Variants in SUMF1 observed in about 807,000 individuals in gnomAD.
SUMF1 encodes the protein formylglycine-generating enzyme.
In SUMF1, 48 loss-of-function variants were observed where a neutral mutation model predicts 47.6. That is an observed-to-expected ratio of 1.01 (90% CI 0.80 to 1.28). The LOEUF is 1.28. Ranked by LOEUF, SUMF1 falls within the 50% of genes most tolerant of loss-of-function variation. SUMF1 has a pLI of 0.00. For synonymous variants in SUMF1, 230 were observed against 192.1 expected (o/e 1.20, Z -1.63); for missense variants, 571 against 485.4 (o/e 1.18, Z -1.66).
intron 8 of SUMF1, among the ~76,000 whole-genome samples, chr3:4,305,095 G>C (rs1171317483): frequency 2.0e-5 from 3 of 152,014 alleles, no homozygotes; most frequent in Admixed American, 1.3e-4. Flanking sequence ...TAAGATAAAG[G>C]GTTTTTTTTT....
intron 8 of SUMF1, among the ~76,000 whole-genome samples, chr3:4,147,157 A>G (rs1310511775): frequency 6.6e-6 from 1 of 152,160 alleles, no homozygotes; most frequent in East Asian, 1.9e-4. Flanking sequence ...TTAAAAAGTC[A>G]GGAAACAACA....
At chr3:4,339,183 C>G (rs1282956545) in intron 8 of SUMF1, among the ~76,000 whole-genome samples, 1 of 152,184 alleles carries the variant, frequency 6.6e-6, no homozygotes, top group Admixed American at 6.5e-5. Flanking sequence ...ATGCTGCTTT[C>G]CTCTCTTGGG....
intron 8 of SUMF1, among the ~76,000 whole-genome samples, chr3:4,118,779 T>G (rs1227528036): frequency 6.6e-6 from 1 of 152,132 alleles, no homozygotes; most frequent in African/African-American, 2.4e-5. Context: ...CACTCTTCTT[T>G]AGTTCTCTTT....
intron 8 of SUMF1, among the ~76,000 whole-genome samples, chr3:4,346,309 T>C (rs1444207559): frequency 6.6e-6 from 1 of 152,014 alleles, no homozygotes; most frequent in African/African-American, 2.4e-5. Context: ...GCAAAAGAAC[T>C]GAAATCATAA....
chr3:4,319,054 T>TAA (rs1460667168), intron 8 of SUMF1, among the ~76,000 whole-genome samples: 1 of 152,218 alleles, frequency 6.6e-6, no homozygotes, highest in Non-Finnish European at 1.5e-5. Context: ...TTTAAAACTA[T>TAA]AAGTTATCCC....
At chr3:4,173,869 G>C (rs946811282) in intron 8 of SUMF1, among the ~76,000 whole-genome samples, 1 of 152,110 alleles carries the variant, frequency 6.6e-6, no homozygotes, top group Admixed American at 6.5e-5. Context: ...TCACACACGA[G>C]GGCCTGTCGG....
chr3:4,099,145 C>T (rs932748501), intron 8 of SUMF1, among the ~76,000 whole-genome samples: 4 of 152,042 alleles, frequency 2.6e-5, no homozygotes, highest in African/African-American at 7.3e-5. Context: ...TCTGCTGTGC[C>T]TCCAAATCAG....
chr3:4,268,861 A>C (rs926863047), intron 8 of SUMF1, among the ~76,000 whole-genome samples: 2 of 152,120 alleles, frequency 1.3e-5, no homozygotes, highest in African/African-American at 4.8e-5. Context: ...CCTTTAAAAA[A>C]GACATTTAGA....
intron 5 of SUMF1, among the ~76,000 whole-genome samples, chr3:4,417,779 C>G (rs933172929): frequency 6.6e-6 from 1 of 152,312 alleles, no homozygotes; most frequent in South Asian, 2.1e-4. Context: ...ATTGCTAAGA[C>G]TTGCTTTGGG....
intron 8 of SUMF1, among the ~76,000 whole-genome samples, chr3:4,344,228 G>A (rs757310950): frequency 7.2e-5 from 11 of 151,982 alleles, no homozygotes; most frequent in Non-Finnish European, 1.3e-4. Flanking sequence ...AGGAAGAGCA[G>A]TGTGGTGTGG....
chr3:4,155,833 C>G (rs1447543239), intron 8 of SUMF1, among the ~76,000 whole-genome samples: 1 of 150,986 alleles, frequency 6.6e-6, no homozygotes, highest in Admixed American at 6.6e-5. Flanking sequence ...TCAAATTAAA[C>G]CCAGGACCAA....
intron 8 of SUMF1, among the ~76,000 whole-genome samples, chr3:4,327,431 T>C (rs935530496): frequency 9.9e-5 from 15 of 152,194 alleles, no homozygotes; most frequent in Non-Finnish European, 8.8e-5. Context: ...TAGCCGACTA[T>C]AAACAGCTTT....
At chr3:4,420,001 A>G in intron 4 of SUMF1, 63 bp downstream of exon 4, 9 of 1,412,716 alleles carry the variant, frequency 6.4e-6, no homozygotes, top group Non-Finnish European at 9.0e-6. Flanking sequence ...TTCTTTTGCA[A>G]GAGCAAAGGG....
chr3:4,359,054 T>C (rs1699684189), downstream of SUMF1, among the ~76,000 whole-genome samples: 2 of 152,232 alleles, frequency 1.3e-5, no homozygotes, highest in Admixed American at 6.5e-5. Flanking sequence ...TTTCCCCGTA[T>C]GCCTCTATGT....
intron 8 of SUMF1, among the ~76,000 whole-genome samples, chr3:4,174,444 C>A (rs1392817101): frequency 4.0e-5 from 6 of 151,770 alleles, no homozygotes; most frequent in African/African-American, 1.2e-4. Flanking sequence ...TGCCTGTTAT[C>A]CCAGGGGATA....
At chr3:4,162,073 T>A (rs1031992459) in intron 8 of SUMF1, among the ~76,000 whole-genome samples, 1 of 152,044 alleles carries the variant, frequency 6.6e-6, no homozygotes, top group African/African-American at 2.4e-5. Context: ...CAGTTTCCCT[T>A]CTGGTGCAGG....
rs764158922 is a variant in SUMF1 at position 4,417,116 on chromosome 3, C to A, written c.840+12G>T. ...GCAGCTGCCACCCTCCTGCAGAGGT[C>A]TCATTACTCACAGGCGCAGTTCCTT... On this transcript the variant is annotated intron_variant, in intron 6 of 8. Transcript: ENST00000272902. 5.0e-6 allele frequency: 8 copies of A among 1,613,366 alleles called. No homozygotes were observed. In the South Asian group the frequency reaches 8.8e-5, roughly 18 times the overall value.
At chr3:4,390,325 C>T (rs1228293657) in intron 7 of SUMF1, among the ~76,000 whole-genome samples, 1 of 152,132 alleles carries the variant, frequency 6.6e-6, no homozygotes, top group African/African-American at 2.4e-5. Flanking sequence ...CTGGCTAGGC[C>T]TTCTCTGGCA....
chr3:4,376,119 A>G (rs1700318591), intron 8 of SUMF1, among the ~76,000 whole-genome samples: 3 of 152,236 alleles, frequency 2.0e-5, no homozygotes, highest in Non-Finnish European at 4.4e-5. Flanking sequence ...TTTGGTTGAC[A>G]ATAGGTCATT....
Sources: allele counts gnomAD v4.1 joint callset (sites outside exome capture counted in the v4.1 genomes callset), GRCh38; gene constraint gnomAD v4.1.1; transcripts MANE v1.5; gene names NCBI Gene and HGNC (gene_info 2026-07-23, HGNC 2026-07-21).